NELL1: variants seen among roughly 807,000 people sequenced by gnomAD.
The protein encoded by NELL1 is protein kinase C-binding protein NELL1.
A neutral mutation model predicts 107.4 loss-of-function variants in NELL1; 76 were observed. The ratio of observed to expected loss-of-function variants is 0.71; its 90% CI spans 0.59 to 0.86. NELL1 has a LOEUF of 0.86. Among genes scored for constraint, NELL1 ranks in the 40% least tolerant of loss-of-function variants. The pLI is 0.00. For synonymous variants in NELL1, 353 were observed against 341.2 expected (o/e 1.03, Z -0.38); for missense variants, 1,024 against 1,005.5 (o/e 1.02, Z -0.25).
intron 7 of NELL1, among the ~76,000 whole-genome samples, chr11:20,924,510 C>G (rs1316868516): frequency 6.6e-6 from 1 of 152,180 alleles, no homozygotes; most frequent in African/African-American, 2.4e-5. Flanking sequence ...TAGGTGAGCA[C>G]AGCTCAGCTT....
intron 15 of NELL1, among the ~76,000 whole-genome samples, chr11:21,371,782 C>T (rs1315110430): frequency 1.3e-5 from 2 of 151,968 alleles, no homozygotes; most frequent in Non-Finnish European, 2.9e-5. Flanking sequence ...AATAGGATGT[C>T]GCATTTATTA....
In NELL1 at chr11:21,405,471, G is replaced by T. The variant is rs556642450; in HGVS notation, c.1645+34523G>T. On this transcript the variant is annotated intron_variant, in intron 15 of 19. Coordinates refer to ENST00000357134, the MANE Select transcript of NELL1 (RefSeq NM_006157.5). The stretch of plus-strand genomic sequence containing the variant: ...AACAGAATACAAATGGCTGTGCCCT[G>T]AGGTAACTGAGGTCAATGGAAATGT... 1.2e-4 allele frequency among the ~76,000 whole-genome samples: 19 copies of T among 152,120 alleles called. 1 individual carries two copies. The highest frequency in any genetic ancestry group is 6.8e-3 in the Middle Eastern group (2 of 294).
intron 14 of NELL1, among the ~76,000 whole-genome samples, chr11:21,339,121 C>T (rs189767781): frequency 6.6e-6 from 1 of 152,282 alleles, no homozygotes; most frequent in East Asian, 1.9e-4. Flanking sequence ...AAAGTTCTAA[C>T]ATTTGGTACC....
intron 13 of NELL1, among the ~76,000 whole-genome samples, chr11:21,121,080 G>T (rs1022839558): frequency 6.6e-6 from 1 of 152,092 alleles, no homozygotes; most frequent in African/African-American, 2.4e-5. Context: ...CTGTTCTGGG[G>T]TTGGGACCCA....
At chr11:21,427,325 A>T (rs1341492882) in intron 15 of NELL1, among the ~76,000 whole-genome samples, 1 of 152,218 alleles carries the variant, frequency 6.6e-6, no homozygotes, top group Non-Finnish European at 1.5e-5. Flanking sequence ...CATCAAGTTG[A>T]TGTAACAAAA....
chr11:21,404,237 C>T lies in NELL1; in HGVS notation c.1645+33289C>T, dbSNP rs540565650. On this transcript the variant is annotated intron_variant, in intron 15 of 19. Transcript: ENST00000357134. ...TCTCAGTACATTCATTTTCCTACCA[C>T]ATTTGCCTATACTTATATTTTCCTT... Among the ~76,000 whole-genome samples, 28 of 152,000 alleles carry T rather than the reference C, an allele frequency of 1.8e-4. No homozygotes were observed. In the South Asian group the frequency reaches 5.6e-3, roughly 30 times the overall value.
rs1020151320 is a variant in NELL1 at position 21,243,987 on chromosome 11, G to A, written c.1549+14533G>A. Among the ~76,000 whole-genome samples, 10 of 152,158 alleles carry A rather than the reference G, an allele frequency of 6.6e-5. No homozygotes were observed. In the South Asian group the frequency reaches 8.3e-4, roughly 13 times the overall value. ...GAGCAGCCCAAGTCTGGCTTTTGGT[G>A]GGATGCAACATTGTAGCATTTATTA... On this transcript the variant is annotated intron_variant, in intron 14 of 19. Coordinates refer to ENST00000357134, the MANE Select transcript of NELL1 (RefSeq NM_006157.5).
intron 12 of NELL1, among the ~76,000 whole-genome samples, chr11:21,017,144 G>A (rs1049347467): frequency 1.3e-5 from 2 of 152,020 alleles, no homozygotes; most frequent in South Asian, 2.1e-4. Flanking sequence ...ATATGATTTC[G>A]TGTTAGAGAT....
intron 12 of NELL1, among the ~76,000 whole-genome samples, chr11:21,038,268 C>T (rs746410325): frequency 2.0e-5 from 3 of 152,074 alleles, no homozygotes; most frequent in African/African-American, 4.8e-5. Flanking sequence ...GAGATTCAAT[C>T]AGTGAGGCAA....
chr11:20,773,528 C>G (rs948090803), intron 2 of NELL1: 1 of 149,918 alleles, frequency 6.7e-6, no homozygotes, highest in African/African-American at 2.5e-5. Context: ...TGGAGTCTGG[C>G]TCTCTGTCAC....
chr11:20,981,636 G>T (rs763038759), intron 12 of NELL1, among the ~76,000 whole-genome samples: 6 of 152,172 alleles, frequency 3.9e-5, no homozygotes, highest in Non-Finnish European at 8.8e-5. Context: ...GACAAGTGCA[G>T]TTAAGCCTAA....
intron 3 of NELL1, among the ~76,000 whole-genome samples, chr11:20,830,582 C>T (rs1169480551): frequency 1.3e-5 from 2 of 152,154 alleles, no homozygotes; most frequent in East Asian, 3.9e-4. Flanking sequence ...AGATGATCTG[C>T]CTGCCTCAGA....
chr11:21,300,431 T>G (rs1332392238), intron 14 of NELL1, among the ~76,000 whole-genome samples: 3 of 152,018 alleles, frequency 2.0e-5, no homozygotes, highest in Non-Finnish European at 2.9e-5. Context: ...ATTTCTGGGC[T>G]AGGACATGGG....
At chr11:20,717,207 C>A (rs1425628289) in intron 2 of NELL1, among the ~76,000 whole-genome samples, 2 of 152,200 alleles carry the variant, frequency 1.3e-5, no homozygotes, top group Non-Finnish European at 1.5e-5. Context: ...TATGCCTGGT[C>A]ATCCCAATGA....
intron 2 of NELL1, among the ~76,000 whole-genome samples, chr11:20,725,864 C>T (rs1319608539): frequency 2.0e-5 from 3 of 152,186 alleles, no homozygotes; most frequent in Non-Finnish European, 2.9e-5. Context: ...AAGTAGTGAG[C>T]ATAGTACCCA....
chr11:21,199,154 C>T (rs1419189816), intron 13 of NELL1, among the ~76,000 whole-genome samples: 1 of 152,148 alleles, frequency 6.6e-6, no homozygotes, highest in Non-Finnish European at 1.5e-5. Context: ...CTTCTTACTA[C>T]CCCTCTTCTT....
At chr11:20,684,312 T>C (rs77670789) in intron 2 of NELL1, among the ~76,000 whole-genome samples, 9,051 of 152,094 alleles carry the variant, frequency 0.06, 926 homozygotes, top group African/African-American at 0.21. Flanking sequence ...AACATTATTC[T>C]TTTTTCTCTC....
intron 4 of NELL1, among the ~76,000 whole-genome samples, chr11:20,884,876 A>T (rs1224438134): frequency 2.0e-5 from 3 of 152,220 alleles, no homozygotes; most frequent in African/African-American, 7.2e-5. Context: ...TGTTGGTTGG[A>T]CGATGACTTA....
intron 15 of NELL1, among the ~76,000 whole-genome samples, chr11:21,395,781 CCT>C (rs1456101167): frequency 2.0e-5 from 3 of 150,736 alleles, no homozygotes; most frequent in Non-Finnish European, 4.4e-5. Flanking sequence ...ATTACATTGG[CCT>C]CTCTGAAAAA....
Sources: gnomAD v4.1 joint callset for allele counts (sites outside exome capture counted in the v4.1 genomes callset) on GRCh38, gnomAD v4.1.1 for gene constraint, MANE v1.5 for transcripts, NCBI Gene and HGNC (gene_info 2026-07-23, HGNC 2026-07-21) for gene names.